The following GALNTL6 variants were observed in gnomAD, a reference collection of about 807,000 sequenced individuals.
GALNTL6 encodes the protein polypeptide N-acetylgalactosaminyltransferase-like 6.
A neutral mutation model predicts 73.7 loss-of-function variants in GALNTL6; 46 were observed. That is an observed-to-expected ratio of 0.62 (90% CI 0.49 to 0.80). The LOEUF (loss-of-function observed/expected upper bound fraction) is 0.80, where lower values mean the gene tolerates loss of function less well. Ranked by LOEUF, GALNTL6 falls within the 30% of genes least tolerant of loss-of-function variation. The pLI is 0.00. For missense variants in GALNTL6, 604 were observed against 755.0 expected (o/e 0.80, Z 2.34); for synonymous variants, 259 against 263.7 (o/e 0.98, Z 0.17).
intron 5 of GALNTL6, among the ~76,000 whole-genome samples, chr4:172,663,573 A>C (rs567033354): frequency 6.6e-6 from 1 of 152,164 alleles, no homozygotes; most frequent in Non-Finnish European, 1.5e-5. Context: ...TCAGAGAATA[A>C]TGTGGTGGTT....
intron 5 of GALNTL6, among the ~76,000 whole-genome samples, chr4:172,723,444 A>C (rs1401799197): frequency 1.3e-5 from 2 of 152,184 alleles, no homozygotes; most frequent in Non-Finnish European, 1.5e-5. Context: ...AGGAAATTAT[A>C]ATATGGGATC....
At chr4:172,484,665 A>G (rs1198650380) in intron 5 of GALNTL6, among the ~76,000 whole-genome samples, 4 of 152,320 alleles carry the variant, frequency 2.6e-5, no homozygotes, top group Admixed American at 2.6e-4. Context: ...TAAGTGCATC[A>G]CAGACAGAAG....
At chr4:172,434,661 G>T (rs994805500) in intron 5 of GALNTL6, among the ~76,000 whole-genome samples, 5 of 151,962 alleles carry the variant, frequency 3.3e-5, no homozygotes, top group African/African-American at 1.2e-4. Context: ...GTAACACAAA[G>T]AAAACACACA....
chr4:172,686,219 T>C (rs1732907583), intron 5 of GALNTL6, among the ~76,000 whole-genome samples: 1 of 152,032 alleles, frequency 6.6e-6, no homozygotes, highest in Non-Finnish European at 1.5e-5. Context: ...ACCTGCCTTC[T>C]CCCCTGTAAA....
At chr4:171,859,828 TC>T (rs1219238569) in intron 2 of GALNTL6, among the ~76,000 whole-genome samples, 1 of 152,178 alleles carries the variant, frequency 6.6e-6, no homozygotes. Flanking sequence ...CTGCCCTGCC[TC>T]CCACTCAATC....
At chr4:172,575,032 G>C (rs1226234926) in intron 5 of GALNTL6, among the ~76,000 whole-genome samples, 3 of 151,952 alleles carry the variant, frequency 2.0e-5, no homozygotes, top group African/African-American at 7.3e-5. Context: ...TTGGAAAAAG[G>C]CTCCATCACG....
intron 5 of GALNTL6, among the ~76,000 whole-genome samples, chr4:172,700,722 G>A (rs1733977695): frequency 6.6e-6 from 1 of 152,086 alleles, no homozygotes; most frequent in Non-Finnish European, 1.5e-5. Flanking sequence ...CCTGACATAT[G>A]GTCAATCGCT....
intron 5 of GALNTL6, among the ~76,000 whole-genome samples, chr4:172,635,482 A>C (rs1052101019): frequency 1.3e-5 from 2 of 152,042 alleles, no homozygotes; most frequent in Non-Finnish European, 2.9e-5. Context: ...TCTCCCCCTG[A>C]ATTTGACCCA....
intron 2 of GALNTL6, among the ~76,000 whole-genome samples, chr4:172,019,151 C>T (rs574858686): frequency 1.3e-4 from 20 of 152,230 alleles, no homozygotes; most frequent in South Asian, 4.1e-4. Context: ...TCTGTTTTCC[C>T]GGTACACTCC....
intron 5 of GALNTL6, among the ~76,000 whole-genome samples, chr4:172,717,775 C>T (rs558640243): frequency 3.0e-4 from 46 of 152,152 alleles, no homozygotes; most frequent in Non-Finnish European, 5.1e-4. Flanking sequence ...AAAATTAATA[C>T]ATTTTCCAAA....
intron 5 of GALNTL6, among the ~76,000 whole-genome samples, chr4:172,694,298 C>T (rs185120935): frequency 2.0e-5 from 3 of 152,070 alleles, no homozygotes; most frequent in Admixed American, 6.6e-5. Context: ...TCCCCTTGCC[C>T]CCAATACCCC....
At chr4:172,485,267 T>C (rs1733626771) in intron 5 of GALNTL6, among the ~76,000 whole-genome samples, 1 of 152,106 alleles carries the variant, frequency 6.6e-6, no homozygotes. Flanking sequence ...GTGTACCACA[T>C]AGAATATTCA....
intron 5 of GALNTL6, among the ~76,000 whole-genome samples, chr4:172,721,920 G>A (rs905214372): frequency 6.6e-6 from 1 of 151,962 alleles, no homozygotes; most frequent in Non-Finnish European, 1.5e-5. Flanking sequence ...GCATCATTAG[G>A]GCTTTGCTAA....
At chr4:172,337,701 T>G (rs913409408) in intron 4 of GALNTL6, among the ~76,000 whole-genome samples, 3 of 31,474 alleles carry the variant, frequency 9.5e-5, no homozygotes, top group African/African-American at 1.6e-4. Flanking sequence ...AGGTTTTTTG[T>G]TTTTTTTTTT....
chr4:172,982,783 AT>A (rs1212695243), intron 10 of GALNTL6, among the ~76,000 whole-genome samples: 3 of 152,100 alleles, frequency 2.0e-5, no homozygotes, highest in East Asian at 1.9e-4. Context: ...TACGAAAAAA[AT>A]TTTTTTTCCA....
chr4:172,996,966 A>G (rs1313882993), intron 10 of GALNTL6, among the ~76,000 whole-genome samples: 1 of 152,166 alleles, frequency 6.6e-6, no homozygotes, highest in Non-Finnish European at 1.5e-5. Flanking sequence ...CCTAGAGTCA[A>G]GCCACTCATG....
intron 8 of GALNTL6, among the ~76,000 whole-genome samples, chr4:172,918,658 G>T (rs986559545): frequency 6.6e-6 from 1 of 152,076 alleles, no homozygotes; most frequent in Non-Finnish European, 1.5e-5. Context: ...GGAAAAATAG[G>T]CTGTCCACTA....
At chr4:172,960,408 T>C (rs1264422798) in intron 10 of GALNTL6, among the ~76,000 whole-genome samples, 2 of 152,004 alleles carry the variant, frequency 1.3e-5, no homozygotes, top group African/African-American at 4.8e-5. Flanking sequence ...AAAAGGATTA[T>C]AGGGTTGGGG....
intron 5 of GALNTL6, among the ~76,000 whole-genome samples, chr4:172,657,819 C>T (rs1287540200): frequency 1.3e-5 from 2 of 152,016 alleles, no homozygotes; most frequent in Non-Finnish European, 2.9e-5. Flanking sequence ...ATGTATAAAC[C>T]CACTCTCTAA....
Sources: gnomAD v4.1 joint callset for allele counts (sites outside exome capture counted in the v4.1 genomes callset) on GRCh38, gnomAD v4.1.1 for gene constraint, MANE v1.5 for transcripts, NCBI Gene and HGNC (gene_info 2026-07-23, HGNC 2026-07-21) for gene names.